PEX5: variants seen among roughly 807,000 people sequenced by gnomAD.
The protein encoded by PEX5 is PTS1 receptor.
A neutral mutation model predicts 82.9 loss-of-function variants in PEX5; 52 were observed. That is an observed-to-expected ratio of 0.63 (90% CI 0.50 to 0.79). The LOEUF is 0.79. Ranked by LOEUF, PEX5 falls within the 30% of genes least tolerant of loss-of-function variation. The pLI is 0.00. For missense variants in PEX5, 719 were observed against 815.2 expected (o/e 0.88, Z 1.44); for synonymous variants, 300 against 318.8 (o/e 0.94, Z 0.63).
At chr12:7,199,511 A>G (rs1164950905) in intron 6 of PEX5, among the ~76,000 whole-genome samples, 1 of 151,356 alleles carries the variant, frequency 6.6e-6, no homozygotes, top group Non-Finnish European at 1.5e-5. Flanking sequence ...CAGAGAGCAC[A>G]GGGTTGGGGG....
intron 5 of PEX5, among the ~76,000 whole-genome samples, chr12:7,192,768 C>T (rs1264141594): frequency 5.3e-5 from 8 of 152,158 alleles, no homozygotes; most frequent in African/African-American, 7.2e-5. Flanking sequence ...TCTTCGTTTG[C>T]TACAGATTTC....
In PEX5 at chr12:7,209,083, G is replaced by A; in HGVS notation, c.1473G>A (p.Gln491=). ...LDPTSIDPDV[Q]CGLGVLFNLS... is the part of the protein sequence containing the mutation. ...CTACCTCCATTGACCCTGATGTGCAGTGTGGCTTGGGAGTCCTTTTCAACC... is the reference window on the plus strand; with the variant it reads ...CTACCTCCATTGACCCTGATGTGCAATGTGGCTTGGGAGTCCTTTTCAACC... The change falls in exon 14 of 16, where the codon CAG becomes CAA. Residue 491 remains glutamine, a synonymous_variant. Transcript: ENST00000675855. The A allele has an allele frequency of 1.2e-6, 2 of 1,614,156 alleles. No homozygotes were observed. Among genetic ancestry groups the A allele is most frequent in the Non-Finnish European group, 8.5e-7 (1 of 1,179,996 alleles).
intron 5 of PEX5, among the ~76,000 whole-genome samples, chr12:7,193,675 G>A (rs1187818391): frequency 2.0e-5 from 3 of 152,090 alleles, no homozygotes; most frequent in Non-Finnish European, 4.4e-5. Context: ...TTGTAATGTG[G>A]GCATTAGTCA....
downstream of PEX5, among the ~76,000 whole-genome samples, chr12:7,216,216 C>T (rs979264855): frequency 6.6e-6 from 1 of 152,206 alleles, no homozygotes; most frequent in African/African-American, 2.4e-5. Flanking sequence ...GATCCACCCG[C>T]CTTAGCTTCC....
chr12:7,191,046 T>C, intron 3 of PEX5, 123 bp downstream of exon 3: 1 of 1,173,414 alleles, frequency 8.5e-7, no homozygotes, highest in Non-Finnish European at 1.3e-6. Flanking sequence ...TGCCTGCTTG[T>C]TTTTAAATGT....
upstream of PEX5, chr12:7,189,035 A>T (rs1940412737): frequency 6.6e-6 from 1 of 152,216 alleles, no homozygotes; most frequent in Non-Finnish European, 1.5e-5. Context: ...TACCAGCTCG[A>T]GGTCTCAGGA....
intron 10 of PEX5, among the ~76,000 whole-genome samples, chr12:7,204,896 T>C (rs868068835): frequency 6.6e-6 from 1 of 152,128 alleles, no homozygotes; most frequent in Non-Finnish European, 1.5e-5. Flanking sequence ...AAAATCACAT[T>C]TGATCAGGTT....
At chr12:7,201,625 G>C in intron 6 of PEX5, 126 bp from the exon 7 acceptor site, 1 of 749,754 alleles carries the variant, frequency 1.3e-6, no homozygotes. Flanking sequence ...ATTGGAGTTT[G>C]TAGGTTCTCA....
At chr12:7,202,148 G>A in intron 7 of PEX5, 93 bp from the exon 8 acceptor site, 1 of 1,590,138 alleles carries the variant, frequency 6.3e-7, no homozygotes, top group Non-Finnish European at 8.6e-7. Context: ...GATGGTCAGG[G>A]GAGGGGTGAG....
Position 7,192,870 on chromosome 12 carries a change from G to A in PEX5, c.448+1170G>A, listed in dbSNP as rs1941408713. Among the ~76,000 whole-genome samples the A allele has an allele frequency of 2.0e-5, 3 of 152,194 alleles. No individual in the cohort carries two copies. The South Asian group carries it at 6.2e-4, about 31-fold the overall frequency. ...CTTACCCGAAGCCTATCTGATCAGG[G>A]ACAAATGTGTGTGAAGGAGGCCCAT... On this transcript the variant is annotated intron_variant, in intron 5 of 15. Transcript: ENST00000675855.
intron 5 of PEX5, 88 bp downstream of exon 5, chr12:7,191,788 A>AT: frequency 7.7e-7 from 1 of 1,302,324 alleles, no homozygotes; most frequent in Non-Finnish European, 1.1e-6. Context: ...TGTGATTACG[A>AT]TTTTTCTGGT....
At chr12:7,217,413 T>A (rs770968662) in intron 17 of PEX5, among the ~76,000 whole-genome samples, 62 of 152,366 alleles carry the variant, frequency 4.1e-4, no homozygotes, top group African/African-American at 8.9e-4. Flanking sequence ...TGGGGCCACC[T>A]GCCGTCATTT....
At chr12:7,202,749 TC>T in intron 9 of PEX5, 45 bp downstream of exon 9, 1 of 1,290,528 alleles carries the variant, frequency 7.7e-7, no homozygotes, top group Non-Finnish European at 1.1e-6. Flanking sequence ...AAGAAAACAC[TC>T]CTTGGAGTGA....
In PEX5 at chr12:7,210,513, A is replaced by AC; in HGVS notation, c.*294dup. On this transcript the variant is annotated 3_prime_UTR_variant, in exon 16 of 16. Coordinates refer to ENST00000675855, the MANE Select transcript of PEX5 (RefSeq NM_001351132.2). ...TTCTTGGTGCTGCTTTTTGGGTAGG[A>AC]CCCCACGATTTAGGGTAACTGTTAT... 1 of 526,658 alleles carries AC rather than the reference A, an allele frequency of 1.9e-6. No homozygotes were observed. Among genetic ancestry groups the AC allele is most frequent in the Non-Finnish European group, 3.5e-6 (1 of 289,604 alleles). The allele number at this position is 526,658 out of a possible 1,614,324, so 32.6% of individuals were successfully genotyped here. A position where few individuals can be genotyped will look rare whatever the true frequency, so the allele number is the denominator to read the frequency against.
Position 7,203,181 on chromosome 12 carries a change from ATGCACTGCACTGCAC to A in PEX5, c.847-224_847-210del, listed in dbSNP as rs752693758. ...CTCAAACAAAAAACTAAACTAAACT[ATGCACTGCACTGCAC>A]TGCACTGCACTGCACTGCACTGCAC... On this transcript the variant is annotated intron_variant, in intron 9 of 15. Transcript: ENST00000675855. Among the ~76,000 whole-genome samples, 54 of 82,666 alleles carry A rather than the reference ATGCACTGCACTGCAC, an allele frequency of 6.5e-4. 11 individuals carry two copies. The East Asian group carries it at 0.012, about 19-fold the overall frequency. The allele number at this position is 82,666 out of a possible 152,430, so 54.2% of individuals were successfully genotyped here.
chr12:7,213,308 A>T (rs992746757), downstream of PEX5, among the ~76,000 whole-genome samples: 6 of 151,980 alleles, frequency 3.9e-5, no homozygotes, highest in African/African-American at 1.2e-4. Flanking sequence ...GAGGCATCAC[A>T]CTACCTGACT....
chr12:7,213,506 G>A (rs1468808152), downstream of PEX5, among the ~76,000 whole-genome samples: 1 of 138,800 alleles, frequency 7.2e-6, no homozygotes, highest in African/African-American at 2.7e-5. Flanking sequence ...ATGGTGCAGG[G>A]AAAACTGGCT....
At chr12:7,191,446 G>T (rs1028989749) in intron 4 of PEX5, 88 bp downstream of exon 4, 5 of 1,602,294 alleles carry the variant, frequency 3.1e-6, no homozygotes, top group Non-Finnish European at 3.4e-6. Flanking sequence ...GCTGGCATTG[G>T]GGACCTGAGA....
chr12:7,206,732 C>T (rs750379352), intron 10 of PEX5, among the ~76,000 whole-genome samples: 41 of 152,180 alleles, frequency 2.7e-4, no homozygotes, highest in African/African-American at 9.9e-4. Flanking sequence ...TGAAAAAGGG[C>T]CTCATGTCTT....
Sources: allele counts gnomAD v4.1 joint callset (sites outside exome capture counted in the v4.1 genomes callset), GRCh38; gene constraint gnomAD v4.1.1; transcripts MANE v1.5; gene names NCBI Gene and HGNC (gene_info 2026-07-23, HGNC 2026-07-21).